Variants in MAPKAP1 observed in about 807,000 individuals in gnomAD.
The protein encoded by MAPKAP1 is MAPK associated protein 1.
In MAPKAP1, 20 loss-of-function variants were observed where a neutral mutation model predicts 65.7. The ratio of observed to expected loss-of-function variants is 0.30; its 90% CI spans 0.21 to 0.44. The LOEUF (loss-of-function observed/expected upper bound fraction) is 0.44. MAPKAP1 is among the 20% of genes least tolerant of loss of function. MAPKAP1 has a pLI of 1.00. For missense variants in MAPKAP1, 423 were observed against 648.0 expected (o/e 0.65, Z 3.77); for synonymous variants, 222 against 244.3 (o/e 0.91, Z 0.85).
At chr9:125,571,623 G>A (rs776392218) in intron 5 of MAPKAP1, among the ~76,000 whole-genome samples, 20 of 152,092 alleles carry the variant, frequency 1.3e-4, no homozygotes, top group Admixed American at 3.9e-4. Context: ...TTGGGAGGCC[G>A]AGGCAGGTGG....
At chr9:125,599,604 C>CTTT (rs72065538) in intron 4 of MAPKAP1, among the ~76,000 whole-genome samples, 1 of 126,436 alleles carries the variant, frequency 7.9e-6, no homozygotes. Context: ...ATGTAAGTCC[C>CTTT]TTTTTTTTTT....
chr9:125,499,633 G>C lies in MAPKAP1; in HGVS notation c.1066+6677C>G, dbSNP rs186615795. 4.3e-4 allele frequency among the ~76,000 whole-genome samples: 65 copies of C among 152,270 alleles called. 1 individual carries two copies. The East Asian group carries it at 9.4e-3, about 22-fold the overall frequency. On this transcript the variant is annotated intron_variant, in intron 8 of 11. Transcript: ENST00000265960. The stretch of plus-strand genomic sequence containing the variant: ...ATGTTCGGAAGTAGAGTGGGAACTA[G>C]AGCCCAGATTTCAAGGCTTTATTCA...
chr9:125,596,776 C>T (rs1222588504), intron 4 of MAPKAP1: 11 of 468,778 alleles, frequency 2.3e-5, no homozygotes, highest in Non-Finnish European at 4.6e-5. Context: ...GACAAATACT[C>T]ATGTGTATGG....
At chr9:125,497,234 T>C (rs767503109) in intron 8 of MAPKAP1, among the ~76,000 whole-genome samples, 2 of 152,202 alleles carry the variant, frequency 1.3e-5, no homozygotes, top group Non-Finnish European at 2.9e-5. Flanking sequence ...CCTTCCTCAG[T>C]ATAACCTTAA....
At chr9:125,536,456 T>C (rs895851156) in intron 7 of MAPKAP1, among the ~76,000 whole-genome samples, 7 of 152,240 alleles carry the variant, frequency 4.6e-5, no homozygotes, top group Non-Finnish European at 1.0e-4. Context: ...GTCAGGTCTC[T>C]GTTTCCTATT....
chr9:125,607,490 G>A (rs952654489), intron 4 of MAPKAP1, among the ~76,000 whole-genome samples: 1 of 152,168 alleles, frequency 6.6e-6, no homozygotes, highest in Non-Finnish European at 1.5e-5. Flanking sequence ...CTATTTTAGA[G>A]TTGAAATGGA....
At chr9:125,676,308 G>A (rs1834642211) in intron 1 of MAPKAP1, among the ~76,000 whole-genome samples, 1 of 152,108 alleles carries the variant, frequency 6.6e-6, no homozygotes, top group African/African-American at 2.4e-5. Flanking sequence ...TTGTAATACT[G>A]GAAATCTAAA....
intron 4 of MAPKAP1, among the ~76,000 whole-genome samples, chr9:125,628,029 G>A (rs1379731895): frequency 6.6e-6 from 1 of 152,204 alleles, no homozygotes; most frequent in Non-Finnish European, 1.5e-5. Flanking sequence ...GGTCTGTGGA[G>A]TTGCTGGTGT....
intron 4 of MAPKAP1, among the ~76,000 whole-genome samples, chr9:125,652,605 T>C (rs1833925209): frequency 6.6e-6 from 1 of 152,242 alleles, no homozygotes; most frequent in South Asian, 2.1e-4. Flanking sequence ...GAACCAGAAC[T>C]GGTTTGCTCT....
At chr9:125,614,873 ATTTCT>A (rs1259604225) in intron 4 of MAPKAP1, among the ~76,000 whole-genome samples, 1 of 152,142 alleles carries the variant, frequency 6.6e-6, no homozygotes, top group Admixed American at 6.5e-5. Flanking sequence ...AAGCAAGACA[ATTTCT>A]TTTCAACATG....
chr9:125,438,794 C>G lies in MAPKAP1; in HGVS notation c.*93G>C, dbSNP rs1026218748. 1 of 1,546,758 alleles carries G rather than the reference C, an allele frequency of 6.5e-7. No homozygotes were observed. Among genetic ancestry groups the G allele is most frequent in the African/African-American group, 1.4e-5 (1 of 73,430 alleles). ...CAGTGAGCCAGGGGCTGGCCTCCCCCCGAGGACTTCAGGACACCGGGTGGA... is the reference window on the plus strand; with the variant it reads ...CAGTGAGCCAGGGGCTGGCCTCCCCGCGAGGACTTCAGGACACCGGGTGGA... On this transcript the variant is annotated 3_prime_UTR_variant, in exon 12 of 12. Coordinates refer to ENST00000265960, the MANE Select transcript of MAPKAP1 (RefSeq NM_001006617.3).
intron 7 of MAPKAP1, among the ~76,000 whole-genome samples, chr9:125,516,415 G>A (rs78022827): frequency 1.4e-3 from 218 of 152,256 alleles, no homozygotes; most frequent in African/African-American, 5.0e-3. Flanking sequence ...ACATAGAAGC[G>A]GCAGCCATTC....
intron 10 of MAPKAP1, among the ~76,000 whole-genome samples, chr9:125,465,527 C>T (rs974601036): frequency 5.9e-5 from 9 of 152,124 alleles, no homozygotes; most frequent in Non-Finnish European, 7.3e-5. Context: ...AACATCAAGC[C>T]GATTCATTTA....
At chr9:125,537,744 A>G (rs1830113732) in intron 7 of MAPKAP1, among the ~76,000 whole-genome samples, 1 of 152,194 alleles carries the variant, frequency 6.6e-6, no homozygotes, top group Non-Finnish European at 1.5e-5. Flanking sequence ...TGGCCTCCCA[A>G]GTGTTGGAAT....
At chr9:125,520,656 G>T (rs139220273) in intron 7 of MAPKAP1, among the ~76,000 whole-genome samples, 2 of 152,262 alleles carry the variant, frequency 1.3e-5, no homozygotes, top group African/African-American at 4.8e-5. Flanking sequence ...ACATTTCAGC[G>T]TCCCTACATT....
chr9:125,567,423 G>A (rs986987006), intron 5 of MAPKAP1, among the ~76,000 whole-genome samples: 1 of 152,182 alleles, frequency 6.6e-6, no homozygotes, highest in Non-Finnish European at 1.5e-5. Flanking sequence ...CATCCTCACT[G>A]CTACACTCCC....
At chr9:125,625,255 T>TA (rs58671780) in intron 4 of MAPKAP1, among the ~76,000 whole-genome samples, 54 of 64,668 alleles carry the variant, frequency 8.4e-4, no homozygotes, top group East Asian at 4.4e-3. Context: ...AATAAATAAA[T>TA]AAAAAAAAAA....
At chr9:125,562,670 C>A (rs1163599545) in intron 5 of MAPKAP1, among the ~76,000 whole-genome samples, 1 of 152,230 alleles carries the variant, frequency 6.6e-6, no homozygotes, top group African/African-American at 2.4e-5. Context: ...CCAGCAGTAT[C>A]ATTAGCTACA....
At chr9:125,673,258 C>T (rs1382325393) in intron 1 of MAPKAP1, among the ~76,000 whole-genome samples, 1 of 152,136 alleles carries the variant, frequency 6.6e-6, no homozygotes, top group Non-Finnish European at 1.5e-5. Context: ...GACAGGGTAT[C>T]GCGCTTGTTG....
Sources: allele counts gnomAD v4.1 joint callset (sites outside exome capture counted in the v4.1 genomes callset), GRCh38; gene constraint gnomAD v4.1.1; transcripts MANE v1.5; gene names NCBI Gene and HGNC (gene_info 2026-07-23, HGNC 2026-07-21).